NDUFB2: variants seen among roughly 807,000 people sequenced by gnomAD.
NDUFB2 encodes NADH:ubiquinone oxidoreductase subunit B2.
In NDUFB2, 13 loss-of-function variants were observed where a neutral mutation model predicts 13.4. The ratio of observed to expected loss-of-function variants is 0.97; its 90% CI spans 0.63 to 1.54. The LOEUF (loss-of-function observed/expected upper bound fraction) is 1.54. Among genes scored for constraint, NDUFB2 ranks in the 40% most tolerant of loss-of-function variants. The pLI, the probability that NDUFB2 is intolerant of heterozygous loss-of-function variation, is 0.00. For synonymous variants in NDUFB2, 47 were observed against 50.6 expected, an observed-to-expected ratio of 0.93 and a Z score of 0.30; for missense variants, 150 against 139.7, an observed-to-expected ratio of 1.07 and a Z score of -0.37.
At chr7:140,704,569 A>G (rs1794940041) in intron 2 of NDUFB2, among the ~76,000 whole-genome samples, 1 of 152,122 alleles carries the variant, frequency 6.6e-6, no homozygotes, top group African/African-American at 2.4e-5. Context: ...GGAACCTTTG[A>G]AACCTATTGC....
chr7:140,704,857 C>T lies in NDUFB2; in HGVS notation c.244-3C>T. ...TTTCTTTCTTTTAAATGGTTGTCAC[C>T]AGGGTCACTTTCCGTATCCTGATCC... On this transcript the variant is annotated splice_region_variant and splice_polypyrimidine_tract_variant and intron_variant, in intron 2 of 3. Coordinates refer to ENST00000247866, the MANE Select transcript of NDUFB2 (RefSeq NM_004546.3). The T allele has an allele frequency of 6.3e-7, 1 of 1,575,558 alleles. No homozygotes were observed. The highest frequency in any genetic ancestry group is 8.6e-7 in the Non-Finnish European group (1 of 1,162,136).
At position 140,696,769 on chromosome 7, in the gene NDUFB2, T is replaced by C; in HGVS notation, c.25T>C (p.Ser9Pro). The change falls in exon 1 of 4, where the codon TCT becomes CCT. Residue 9 changes from serine (S) to proline (P), a missense_variant. Ser to Pro is a moderately conservative substitution (Grantham distance 74, BLOSUM62 -1). Transcript: ENST00000247866. ...TATGTCCGCTCTGACTCGGCTGGCG[T>C]CTTTCGCTCGCGTTGGAGGCCGCCT... MSALTRLA[S>P]FARVGGRLFR... The C allele has an allele frequency of 6.2e-7, 1 of 1,603,266 alleles. No individual in the cohort carries two copies.
At position 140,702,862 on chromosome 7, in the gene NDUFB2, G is replaced by C. The variant is rs1222527142; in HGVS notation, c.99-4G>C. ...GCTGTCTGCCATGTTGTTTTGTCTT[G>C]CAGTGCCGGTGGTGGTGTGCACATT... On this transcript the variant is annotated splice_polypyrimidine_tract_variant and splice_region_variant and intron_variant, in intron 1 of 3. Transcript: ENST00000247866. 12 of 1,613,940 alleles carry C rather than the reference G, an allele frequency of 7.4e-6. No individual in the cohort carries two copies. The highest frequency in any genetic ancestry group is 9.3e-6 in the Non-Finnish European group (11 of 1,179,956).
intron 1 of NDUFB2, among the ~76,000 whole-genome samples, chr7:140,701,659 C>T (rs953106703): frequency 2.6e-5 from 4 of 151,796 alleles, no homozygotes; most frequent in African/African-American, 9.7e-5. Flanking sequence ...AACAGCCGGG[C>T]ACGTGGCTCA....
In NDUFB2 at chr7:140,698,108, G is replaced by A. The variant is rs779715178; in HGVS notation, c.98+1266G>A. ...GCCCAGGAAATGAAAGGAGTGACTTGCCTGAAGTCCCACATGGATGAAGAA... is the reference window on the plus strand; with the variant it reads ...GCCCAGGAAATGAAAGGAGTGACTTACCTGAAGTCCCACATGGATGAAGAA... On this transcript the variant is annotated intron_variant, in intron 1 of 3. Transcript: ENST00000247866. 5.2e-6 allele frequency: 7 copies of A among 1,350,270 alleles called. No homozygotes were observed. The Admixed American group carries it at 7.7e-5, about 15-fold the overall frequency. The allele number at this position is 1,350,270 out of a possible 1,614,324, so 83.6% of individuals were successfully genotyped here.
At chr7:140,701,563 C>T (rs928444828) in intron 1 of NDUFB2, among the ~76,000 whole-genome samples, 1 of 148,914 alleles carries the variant, frequency 6.7e-6, no homozygotes, top group Non-Finnish European at 1.5e-5. Flanking sequence ...AGGAGGTGCT[C>T]AGTCAGCAGA....
At chr7:140,705,909 TTTC>T (rs894686510) in intron 3 of NDUFB2, among the ~76,000 whole-genome samples, 8 of 152,122 alleles carry the variant, frequency 5.3e-5, no homozygotes, top group African/African-American at 1.7e-4. Flanking sequence ...GTCAAGAATT[TTTC>T]TTCTTTAAAA....
At chr7:140,697,444 G>A (rs1189154027) in intron 1 of NDUFB2, 7 of 701,762 alleles carry the variant, frequency 1.0e-5, no homozygotes, top group Non-Finnish European at 1.8e-5. Flanking sequence ...TGGCGTTTAG[G>A]AGAGTGACAG....
intron 2 of NDUFB2, among the ~76,000 whole-genome samples, chr7:140,703,866 T>G (rs942635598): frequency 6.6e-6 from 1 of 151,884 alleles, no homozygotes; most frequent in African/African-American, 2.4e-5. Context: ...CGCCATTCTC[T>G]TGCCTCAGCC....
At chr7:140,704,830 C>T in intron 2 of NDUFB2, 30 bp from the exon 3 acceptor site, 1 of 1,460,226 alleles carries the variant, frequency 6.8e-7, no homozygotes, top group Non-Finnish European at 9.3e-7. Context: ...AAATTCTTGA[C>T]TTTTCTTTCT....
At chr7:140,702,501 A>G (rs369420575) in intron 1 of NDUFB2, 5 of 242,754 alleles carry the variant, frequency 2.1e-5, no homozygotes, top group South Asian at 2.0e-4. Context: ...TAGCTAAACA[A>G]AGCAAAATTA....
intron 1 of NDUFB2, chr7:140,697,305 G>A (rs1794825340): frequency 1.4e-6 from 1 of 702,846 alleles, no homozygotes; most frequent in East Asian, 2.7e-5. Flanking sequence ...GCCTTTAATC[G>A]GAGACGTCAC....
intron 3 of NDUFB2, chr7:140,706,035 T>C (rs1234881537): frequency 7.4e-6 from 1 of 135,846 alleles, no homozygotes; most frequent in Non-Finnish European, 1.5e-5. Context: ...TTTAGTTTGT[T>C]ATGTTATGTT....
chr7:140,700,923 A>G (rs911893203), intron 1 of NDUFB2: 2 of 152,244 alleles, frequency 1.3e-5, no homozygotes, highest in African/African-American at 2.4e-5. Context: ...CGGAAACAGT[A>G]TGCTACGTCA....
rs553516285 is a variant in NDUFB2, at chr7:140,696,973, G to C, written c.98+131G>C. Reference sequence around the variant, plus strand: ...AGGCATGCTGGGACCTGTAGTCCGCGTGTCTCCTGAAGCCGCGACTCGAGG... The same window carrying C: ...AGGCATGCTGGGACCTGTAGTCCGCCTGTCTCCTGAAGCCGCGACTCGAGG... On this transcript the variant is annotated intron_variant, in intron 1 of 3. Coordinates refer to ENST00000247866, the MANE Select transcript of NDUFB2 (RefSeq NM_004546.3). The C allele has an allele frequency of 2.2e-4, 178 of 823,726 alleles. No individual in the cohort carries two copies. In the African/African-American group the frequency reaches 2.5e-3, roughly 12 times the overall value. 51.0% of individuals were successfully genotyped at this position (823,726 alleles called of 1,614,324 possible).
At chr7:140,703,668 G>A (rs1246236413) in intron 2 of NDUFB2, among the ~76,000 whole-genome samples, 1 of 152,160 alleles carries the variant, frequency 6.6e-6, no homozygotes, top group Non-Finnish European at 1.5e-5. Flanking sequence ...CTTCTGGTCT[G>A]TCCAGAGGCC....
chr7:140,702,478 T>C (rs995700408), intron 1 of NDUFB2: 2 of 231,808 alleles, frequency 8.6e-6, no homozygotes, highest in Non-Finnish European at 1.7e-5. Flanking sequence ...GGACATAATT[T>C]GCCTCAAATA....
chr7:140,697,832 A>G (rs1276775431), intron 1 of NDUFB2, among the ~76,000 whole-genome samples: 3 of 152,026 alleles, frequency 2.0e-5, no homozygotes, highest in Non-Finnish European at 1.5e-5. Context: ...CTGTTATCTA[A>G]AGCGTGTTTG....
chr7:140,700,418 C>T (rs552178087), intron 1 of NDUFB2, among the ~76,000 whole-genome samples: 4 of 151,896 alleles, frequency 2.6e-5, no homozygotes, highest in East Asian at 2.0e-4. Flanking sequence ...CCACCGTGTC[C>T]GGCCTTCAAA....
Sources: allele counts gnomAD v4.1 joint callset (sites outside exome capture counted in the v4.1 genomes callset), GRCh38; gene constraint gnomAD v4.1.1; transcripts MANE v1.5; gene names NCBI Gene and HGNC (gene_info 2026-07-23, HGNC 2026-07-21).